The following TRIM67 variants were observed in gnomAD, a reference collection of about 807,000 sequenced individuals.
TRIM67 encodes tripartite motif containing 67, also known as tripartite motif-containing protein 67.
A neutral mutation model predicts 71.0 loss-of-function variants in TRIM67; 39 were observed. That is an observed-to-expected ratio of 0.55 (90% CI 0.43 to 0.72). The LOEUF (loss-of-function observed/expected upper bound fraction) is 0.72, where lower values mean the gene tolerates loss of function less well. TRIM67 is among the 30% of genes least tolerant of loss of function. The pLI is 0.00. For missense variants in TRIM67, 973 were observed against 1,079.2 expected, an observed-to-expected ratio of 0.90 and a Z score of 1.38; for synonymous variants, 481 against 473.9, an observed-to-expected ratio of 1.01 and a Z score of -0.19.
Position 231,215,845 on chromosome 1 carries a change from G to T in TRIM67, c.*405G>T. The T allele has an allele frequency of 9.9e-7, 1 of 1,008,460 alleles. No individual in the cohort carries two copies. Among genetic ancestry groups the T allele is most frequent in the Non-Finnish European group, 1.2e-6 (1 of 845,628 alleles). The allele number at this position is 1,008,460 out of a possible 1,614,324, so 62.5% of individuals were successfully genotyped here. A position where few individuals can be genotyped will look rare whatever the true frequency, so the allele number is the denominator to read the frequency against. ...CCTGAGAGCGGCAGTCAGGAGCTGC[G>T]CTGTAATCCCACGCCCCGGGTGTTG... is the stretch of plus-strand genomic sequence containing the variant. On this transcript the variant is annotated 3_prime_UTR_variant, in exon 10 of 10. Coordinates refer to ENST00000366653, the MANE Select transcript of TRIM67 (RefSeq NM_001004342.5).
Position 231,211,031 on chromosome 1 carries a change from A to AAAT in TRIM67, c.2123+1782_2123+1783insATA, listed in dbSNP as rs1553328725. Among the ~76,000 whole-genome samples, 143 of 127,238 alleles carry AAAT rather than the reference A, an allele frequency of 1.1e-3. 2 individuals are homozygous for AAAT. Among genetic ancestry groups the AAAT allele is most frequent in the African/African-American group, 3.9e-3 (139 of 35,458 alleles). The allele number at this position is 127,238 out of a possible 152,430, so 83.5% of individuals were successfully genotyped here. The stretch of plus-strand genomic sequence containing the variant: ...ACCCTCCTCTCTACCAAAAAAAAAA[A>AAAT]ATATATATATATATATATATTTTGT... On this transcript the variant is annotated intron_variant, in intron 8 of 9. Transcript: ENST00000366653.
rs766568804 is a variant in TRIM67 at position 231,209,098 on chromosome 1, G to A, written c.1971G>A (p.Val657=). 3 of 1,613,910 alleles carry A rather than the reference G, an allele frequency of 1.9e-6. No homozygotes were observed. In the South Asian group the frequency reaches 3.3e-5, roughly 18 times the overall value. ...GCGTGCACTACTGGGAGCTGCACGT[G>A]GACCGGTACGACAACCACCCAGACC... ...SKGVHYWELH[V]DRYDNHPDPA... The change falls in exon 8 of 10, where the codon GTG becomes GTA. Residue 657 remains valine (V), a synonymous_variant. Transcript: ENST00000366653. This position sits in a 1 kb window ranked among gnomAD's most constrained non-coding sequence, Gnocchi z 4.1.
rs772848159 is a variant in TRIM67, at chr1:231,219,939, C to G, written c.*4499C>G. 2 of 1,289,864 alleles carry G rather than the reference C, an allele frequency of 1.6e-6. No homozygotes were observed. Among genetic ancestry groups the G allele is most frequent in the Non-Finnish European group, 2.0e-6 (2 of 988,876 alleles). The allele number at this position is 1,289,864 out of a possible 1,614,324, so 79.9% of individuals were successfully genotyped here. ...AGACACCAAGTTCAGCCCTCGGTTA[C>G]TTCCCTCTTTTAACCTGGCTTTAAT... On this transcript the variant is annotated 3_prime_UTR_variant, in exon 10 of 10. Transcript: ENST00000366653.
intron 1 of TRIM67, among the ~76,000 whole-genome samples, chr1:231,182,221 A>T (rs1481663422): frequency 6.6e-6 from 1 of 152,116 alleles, no homozygotes; most frequent in Non-Finnish European, 1.5e-5. Flanking sequence ...TATTTATGGG[A>T]CATACACTGG....
intron 9 of TRIM67, among the ~76,000 whole-genome samples, chr1:231,214,338 G>A (rs529931319): frequency 6.6e-6 from 1 of 152,222 alleles, no homozygotes; most frequent in South Asian, 2.1e-4. Flanking sequence ...TCTTAGTAGA[G>A]TCCTCCTCCC....
chr1:231,207,474 G>A (rs1024190302), intron 7 of TRIM67, among the ~76,000 whole-genome samples: 5 of 152,344 alleles, frequency 3.3e-5, no homozygotes, highest in East Asian at 1.9e-4. Context: ...GAGAGAAATA[G>A]GAATCACATT....
rs1683938018 is a variant in TRIM67, at chr1:231,213,891, A to G, written c.2200A>G (p.Ile734Val). ...DLNKHTLTFF[I>V]NGQQQGPTAF... Reference sequence around the variant, plus strand: ...GAATAAGCACACTCTCACCTTCTTCATCAACGGGCAGCAGCAGGGCCCCAC... The same window carrying G: ...GAATAAGCACACTCTCACCTTCTTCGTCAACGGGCAGCAGCAGGGCCCCAC... Residue 734 changes from isoleucine (I) to valine (V), a missense_variant, in exon 9 of 10, where the codon ATC (isoleucine) becomes GTC (valine). Physicochemically the swap from Ile to Val is conservative, Grantham distance 29. Transcript: ENST00000366653. 2.5e-6 allele frequency: 4 copies of G among 1,613,724 alleles called. No homozygotes were observed. Among genetic ancestry groups the G allele is most frequent in the Non-Finnish European group, 3.4e-6 (4 of 1,179,750 alleles).
In TRIM67 at chr1:231,206,659, A is replaced by G; in HGVS notation, c.1688A>G (p.Tyr563Cys). 3 of 1,601,082 alleles carry G rather than the reference A, an allele frequency of 1.9e-6. No individual in the cohort carries two copies. The highest frequency in any genetic ancestry group is 2.6e-6 in the Non-Finnish European group (3 of 1,174,020). Residue 563 changes from tyrosine (Y) to cysteine (C), a missense_variant, in exon 7 of 10, where the codon TAC becomes TGC. Coordinates refer to ENST00000366653, the MANE Select transcript of TRIM67 (RefSeq NM_001004342.5). ...AGCATTGCTCTCTTTCAGGAAGTGT[A>G]CGTCGGTAAGGAGACTTTGTGTACC... is the stretch of plus-strand genomic sequence containing the variant. ...DGAGGQFREV[Y>C]VGKETLCTID...
chr1:231,209,575 A>G lies in TRIM67; in HGVS notation c.2123+325A>G, dbSNP rs1442951403. On this transcript the variant is annotated intron_variant, in intron 8 of 9. Coordinates refer to ENST00000366653, the MANE Select transcript of TRIM67 (RefSeq NM_001004342.5). The surrounding 1 kb of genome is among the most constrained non-coding windows in gnomAD (Gnocchi z 4.1). The stretch of plus-strand genomic sequence containing the variant: ...TGGTACGGCTTCACTTTCCTTTTCA[A>G]CTGTCAACCCAAGCTTGGGTTGCTG... 6.6e-6 allele frequency among the ~76,000 whole-genome samples: 1 copy of G among 152,004 alleles called. No homozygotes were observed. Among genetic ancestry groups the G allele is most frequent in the African/African-American group, 2.4e-5 (1 of 41,378 alleles).
In TRIM67 at chr1:231,201,377, A is replaced by G. The variant is rs1344870653; in HGVS notation, c.1394A>G (p.Lys465Arg). ...TTTAAGATCTCAGATGCTCTGATCA[A>G]GCGCGTCCAGGTGTCTCAGGAGCAG... ...GFLQISDALIKRVQVSQEQWV... is the reference protein window; with the variant it reads ...GFLQISDALIRRVQVSQEQWV... Residue 465 changes from lysine (K) to arginine (R), a missense_variant, in exon 5 of 10, where the codon AAG becomes AGG. Transcript: ENST00000366653. 1 of 1,613,182 alleles carries G rather than the reference A, an allele frequency of 6.2e-7. No homozygotes were observed. The highest frequency in any genetic ancestry group is 1.3e-5 in the African/African-American group (1 of 74,930).
chr1:231,200,305 C>G (rs781488041), intron 4 of TRIM67, 47 bp downstream of exon 4: 10 of 1,259,874 alleles, frequency 7.9e-6, no homozygotes. Flanking sequence ...TCCAACTGTC[C>G]CACTGTTCCC....
At chr1:231,207,458 AG>A (rs1354769572) in intron 7 of TRIM67, among the ~76,000 whole-genome samples, 2 of 152,214 alleles carry the variant, frequency 1.3e-5, no homozygotes, top group African/African-American at 4.8e-5. Context: ...CTTAGCAGAG[AG>A]CAATGAGAGA....
chr1:231,202,866 G>A (rs1683589692), intron 5 of TRIM67, among the ~76,000 whole-genome samples: 1 of 152,174 alleles, frequency 6.6e-6, no homozygotes, highest in Non-Finnish European at 1.5e-5. Flanking sequence ...AAGTGGGGGT[G>A]TGGAGGGAGG....
chr1:231,210,482 G>A (rs1161750704), intron 8 of TRIM67, among the ~76,000 whole-genome samples: 4 of 151,294 alleles, frequency 2.6e-5, no homozygotes, highest in Admixed American at 6.6e-5. Flanking sequence ...GGAAGAGGCG[G>A]GCAGCTCTGT....
At chr1:231,202,133 G>GGAT (rs1683556857) in intron 5 of TRIM67, among the ~76,000 whole-genome samples, 1 of 137,242 alleles carries the variant, frequency 7.3e-6, no homozygotes, top group Non-Finnish European at 1.5e-5. Context: ...AGGAGGAGAT[G>GGAT]GAGGAGGAGG....
chr1:231,214,778 C>CAAA (rs748778482), intron 9 of TRIM67, among the ~76,000 whole-genome samples: 18 of 43,886 alleles, frequency 4.1e-4, no homozygotes, highest in East Asian at 1.3e-3. Context: ...GACTTCATCT[C>CAAA]AAAAAAAAAA....
At chr1:231,212,079 G>C (rs767572630) in intron 8 of TRIM67, among the ~76,000 whole-genome samples, 115 of 152,172 alleles carry the variant, frequency 7.6e-4, no homozygotes, top group Non-Finnish European at 6.0e-4. Flanking sequence ...TAACGAGCTC[G>C]ATTAACTTTT....
intron 8 of TRIM67, among the ~76,000 whole-genome samples, chr1:231,211,498 C>T (rs1488928542): frequency 6.6e-6 from 1 of 152,188 alleles, no homozygotes; most frequent in East Asian, 1.9e-4. Context: ...GTCACTACCG[C>T]CACCCGGTGG....
intron 1 of TRIM67, among the ~76,000 whole-genome samples, chr1:231,165,720 C>A (rs1385493935): frequency 1.3e-5 from 2 of 152,152 alleles, no homozygotes; most frequent in African/African-American, 4.8e-5. Context: ...TTGCTTATTT[C>A]ATCTTTTAAG....
Sources: allele counts gnomAD v4.1 joint callset (sites outside exome capture counted in the v4.1 genomes callset), GRCh38; gene constraint gnomAD v4.1.1; non-coding constraint Gnocchi (gnomAD v3.1); transcripts MANE v1.5; gene names NCBI Gene and HGNC (gene_info 2026-07-23, HGNC 2026-07-21).